PRSS55: variants seen among roughly 807,000 people sequenced by gnomAD.
PRSS55 encodes probable serine protease UNQ9391/PRO34284.
Under a neutral mutation model 23.6 loss-of-function variants are expected in PRSS55, and 41 were observed. The observed-to-expected ratio is 1.74, with a 90% CI of 1.35 to 2.26. The LOEUF (loss-of-function observed/expected upper bound fraction) is 2.26. Ranked by LOEUF, PRSS55 falls within the 30% of genes most tolerant of loss-of-function variation. The pLI is 0.00. For missense variants in PRSS55, 669 were observed against 439.1 expected (o/e 1.52, Z -4.68); for synonymous variants, 262 against 175.5 (o/e 1.49, Z -3.90).
rs1484246212 is a variant in PRSS55 at position 10,538,459 on chromosome 8, G to A, written c.742-17G>A. The A allele has an allele frequency of 6.3e-7, 1 of 1,594,930 alleles. No individual in the cohort carries two copies. Among genetic ancestry groups the A allele is most frequent in the Non-Finnish European group, 8.6e-7 (1 of 1,166,632 alleles). On this transcript the variant is annotated splice_polypyrimidine_tract_variant and intron_variant, in intron 4 of 4. Transcript: ENST00000328655. ...TTAGAACCGGACTCCCTGCTGAGCT[G>A]TGTTCTCTGCCCACAGGGTGACAGT... is the stretch of plus-strand genomic sequence containing the variant.
intron 1 of PRSS55, 177 bp from the exon 2 acceptor site, chr8:10,529,330 A>G (rs1204076502): frequency 1.5e-5 from 10 of 654,598 alleles, no homozygotes; most frequent in Non-Finnish European, 2.8e-5. Flanking sequence ...AAAATAAACC[A>G]TCTGCCGGCT....
At chr8:10,537,785 G>C (rs189032484) in intron 4 of PRSS55, among the ~76,000 whole-genome samples, 35 of 152,220 alleles carry the variant, frequency 2.3e-4, no homozygotes, top group African/African-American at 8.2e-4. Flanking sequence ...TCCAATCCCA[G>C]CCAGTCTACC....
intron 2 of PRSS55, among the ~76,000 whole-genome samples, 184 bp downstream of exon 2, chr8:10,529,883 C>A (rs971955122): frequency 2.0e-5 from 3 of 152,222 alleles, no homozygotes; most frequent in Admixed American, 6.5e-5. Flanking sequence ...CAGCCTGAGG[C>A]TGTGTCCTCC....
rs770204100 is a variant in PRSS55 at position 10,538,578 on chromosome 8, C to A, written c.844C>A (p.Pro282Thr). 2 of 1,614,098 alleles carry A rather than the reference C, an allele frequency of 1.2e-6. No individual in the cohort carries two copies. The highest frequency in any genetic ancestry group is 3.3e-5 in the Admixed American group (2 of 60,030). The change falls in exon 5 of 5, where the codon CCA becomes ACA. Residue 282 changes from proline (P) to threonine (T), a missense_variant. Coordinates refer to ENST00000328655, the MANE Select transcript of PRSS55 (RefSeq NM_198464.4). ...WGKSCGEKNT[P>T]GIYTSLVNYN... ...AAAGAGCTGTGGAGAGAAGAACACC[C>A]CAGGGATATACACCTCGTTGGTGAA...
chr8:10,552,783 G>T (rs1812980062), intron 4 of PRSS55, among the ~76,000 whole-genome samples: 2 of 152,106 alleles, frequency 1.3e-5, no homozygotes, highest in Non-Finnish European at 2.9e-5. Context: ...TGTTGGTGAG[G>T]GTGTGGAGAA....
At chr8:10,543,461 T>A (rs796704572), downstream of PRSS55, among the ~76,000 whole-genome samples, 3 of 26,670 alleles carry the variant, frequency 1.1e-4, no homozygotes, top group Non-Finnish European at 2.8e-4. Flanking sequence ...CCTTCCTTCC[T>A]TCCTTTCTTT....
At chr8:10,540,622 G>C (rs1021140582), downstream of PRSS55, 7 of 152,236 alleles carry the variant, frequency 4.6e-5, no homozygotes, top group Non-Finnish European at 1.0e-4. Context: ...TCCTGAGGCA[G>C]GATAACGGCT....
At chr8:10,527,077 C>T (rs1325540316) in intron 1 of PRSS55, among the ~76,000 whole-genome samples, 1 of 152,326 alleles carries the variant, frequency 6.6e-6, no homozygotes, top group East Asian at 1.9e-4. Context: ...TCCTTCCATA[C>T]TTATAAACCC....
At chr8:10,553,148 G>C (rs1206664058) in intron 4 of PRSS55, among the ~76,000 whole-genome samples, 2 of 152,140 alleles carry the variant, frequency 1.3e-5, no homozygotes, top group East Asian at 1.9e-4. Context: ...TAGTGAGTGA[G>C]TTCTCACGAG....
At chr8:10,537,237 G>A (rs761432617) in intron 4 of PRSS55, among the ~76,000 whole-genome samples, 20 of 152,230 alleles carry the variant, frequency 1.3e-4, no homozygotes, top group African/African-American at 2.9e-4. Flanking sequence ...AAGTTTCCAC[G>A]AATGGATGAA....
intron 1 of PRSS55, among the ~76,000 whole-genome samples, chr8:10,526,623 G>T (rs559698060): frequency 2.0e-5 from 3 of 152,344 alleles, no homozygotes; most frequent in East Asian, 3.9e-4. Context: ...GCTCTGGCAT[G>T]AACCTGAAAG....
At chr8:10,533,075 T>G in intron 4 of PRSS55, 27 bp downstream of exon 4, 5 of 1,612,758 alleles carry the variant, frequency 3.1e-6, no homozygotes, top group Non-Finnish European at 4.2e-6. Flanking sequence ...CTCCCTCACC[T>G]TATAGGTCCT....
chr8:10,531,367 C>T lies in PRSS55; in HGVS notation c.420C>T (p.Ala140=), dbSNP rs1812254177. ...TSPSMEIKEV[A]SIILHKDFKR... Reference sequence around the variant, plus strand: ...CATCCATGGAAATAAAGGAGGTCGCCAGCATCATTCTTCACAAAGACTTTA... The same window carrying T: ...CATCCATGGAAATAAAGGAGGTCGCTAGCATCATTCTTCACAAAGACTTTA... Residue 140 remains alanine (A), a synonymous_variant, in exon 3 of 5, where the codon GCC becomes GCT. Coordinates refer to ENST00000328655, the MANE Select transcript of PRSS55 (RefSeq NM_198464.4). The T allele has an allele frequency of 6.2e-7, 1 of 1,614,076 alleles. No homozygotes were observed. Among genetic ancestry groups the T allele is most frequent in the South Asian group, 1.1e-5 (1 of 91,086 alleles).
downstream of PRSS55, among the ~76,000 whole-genome samples, chr8:10,543,457 T>TTCCC: frequency 1.7e-4 from 5 of 29,994 alleles, no homozygotes; most frequent in Admixed American, 4.4e-4. Context: ...CCTTCCTTCC[T>TTCCC]TCCTTCCTTT....
exon 5 of PRSS55, chr8:10,554,031 G>T: frequency 6.6e-7 from 1 of 1,522,422 alleles, no homozygotes. Flanking sequence ...CTGCAAAACT[G>T]ATGCTTTGCT....
At chr8:10,552,798 G>A (rs1012089341) in intron 4 of PRSS55, among the ~76,000 whole-genome samples, 1 of 152,174 alleles carries the variant, frequency 6.6e-6, no homozygotes, top group African/African-American at 2.4e-5. Flanking sequence ...GGAGAAAGGG[G>A]AATGTTTGTA....
intron 4 of PRSS55, among the ~76,000 whole-genome samples, chr8:10,544,421 T>G (rs929791651): frequency 1.3e-5 from 2 of 152,206 alleles, no homozygotes; most frequent in African/African-American, 2.4e-5. Flanking sequence ...TTTAAATGTG[T>G]TTCCTGTAGA....
chr8:10,530,373 G>C (rs189075536), intron 2 of PRSS55, among the ~76,000 whole-genome samples: 1 of 152,362 alleles, frequency 6.6e-6, no homozygotes, highest in Admixed American at 6.5e-5. Context: ...TGTTCAGGAG[G>C]CTGAGACAGG....
At chr8:10,525,872 C>G in intron 1 of PRSS55, 133 bp downstream of exon 1, 1 of 970,774 alleles carries the variant, frequency 1.0e-6, no homozygotes, top group Non-Finnish European at 1.5e-6. Flanking sequence ...ACCACTTGTC[C>G]TTTCTCTCCT....
Sources: gnomAD v4.1 joint callset for allele counts (sites outside exome capture counted in the v4.1 genomes callset) on GRCh38, gnomAD v4.1.1 for gene constraint, MANE v1.5 for transcripts, NCBI Gene and HGNC (gene_info 2026-07-23, HGNC 2026-07-21) for gene names.